FRMD4A: variants seen among roughly 807,000 people sequenced by gnomAD.
FRMD4A encodes the protein FERM domain-containing protein 4A.
A neutral mutation model predicts 129.1 loss-of-function variants in FRMD4A; 29 were observed. That is an observed-to-expected ratio of 0.22 (90% CI 0.17 to 0.31). FRMD4A has a LOEUF of 0.31. Ranked by LOEUF, FRMD4A falls within the 10% of genes least tolerant of loss-of-function variation. FRMD4A has a pLI of 1.00. For missense variants in FRMD4A, 1,272 were observed against 1,375.8 expected, an observed-to-expected ratio of 0.92 and a Z score of 1.19; for synonymous variants, 634 against 571.6, an observed-to-expected ratio of 1.11 and a Z score of -1.56.
intron 3 of FRMD4A, among the ~76,000 whole-genome samples, chr10:13,812,168 T>G (rs577442122): frequency 2.0e-4 from 31 of 152,290 alleles, no homozygotes; most frequent in Non-Finnish European, 4.1e-4. Flanking sequence ...CATGAGCCAC[T>G]GCACCTGGCC....
chr10:14,212,655 G>T (rs980354762), intron 2 of FRMD4A, among the ~76,000 whole-genome samples: 2 of 152,224 alleles, frequency 1.3e-5, no homozygotes, highest in Non-Finnish European at 2.9e-5. Flanking sequence ...GATACTTGTT[G>T]TGGGCAATAA....
chr10:13,953,783 T>C (rs1008619535), intron 2 of FRMD4A, among the ~76,000 whole-genome samples: 5 of 152,230 alleles, frequency 3.3e-5, no homozygotes, highest in Non-Finnish European at 7.3e-5. Context: ...TCCAAAGTAA[T>C]GTATATATAG....
intron 2 of FRMD4A, among the ~76,000 whole-genome samples, chr10:14,273,675 T>A (rs1845240607): frequency 6.6e-6 from 1 of 151,806 alleles, no homozygotes; most frequent in African/African-American, 2.4e-5. Flanking sequence ...AGCTCTAATC[T>A]CCACACACCT....
At chr10:14,157,133 A>G (rs956116294) in intron 2 of FRMD4A, among the ~76,000 whole-genome samples, 4 of 151,868 alleles carry the variant, frequency 2.6e-5, no homozygotes, top group African/African-American at 9.7e-5. Flanking sequence ...TTACAAAATG[A>G]CTCTTCCTGT....
chr10:13,673,427 CTT>C (rs1230835520), intron 16 of FRMD4A, among the ~76,000 whole-genome samples: 1 of 152,166 alleles, frequency 6.6e-6, no homozygotes, highest in Non-Finnish European at 1.5e-5. Context: ...GTATACGTCT[CTT>C]TGACTTACTT....
At chr10:14,192,359 G>C (rs954291298) in intron 2 of FRMD4A, among the ~76,000 whole-genome samples, 1 of 152,176 alleles carries the variant, frequency 6.6e-6, no homozygotes, top group African/African-American at 2.4e-5. Context: ...TGATTAACTT[G>C]TTTAGAGTAA....
chr10:13,702,540 A>T (rs1051600092), intron 13 of FRMD4A, among the ~76,000 whole-genome samples: 1 of 107,718 alleles, frequency 9.3e-6, no homozygotes, highest in African/African-American at 2.7e-5. Context: ...GTGTGTTTGC[A>T]TGTGTGTGTG....
chr10:13,951,896 T>C, intron 2 of FRMD4A, among the ~76,000 whole-genome samples: 1 of 127,788 alleles, frequency 7.8e-6, no homozygotes, highest in South Asian at 2.3e-4. Flanking sequence ...TCTCAAATAA[T>C]AATAATAATA....
intron 2 of FRMD4A, among the ~76,000 whole-genome samples, chr10:14,246,091 C>T (rs1218382): frequency 0.77 from 116,576 of 152,038 alleles, 46,313 homozygotes; most frequent in Non-Finnish European, 0.87. Flanking sequence ...TCCTCAGATG[C>T]TCCCATTCCC....
chr10:13,944,370 T>C (rs2095316310), intron 2 of FRMD4A, among the ~76,000 whole-genome samples: 1 of 151,994 alleles, frequency 6.6e-6, no homozygotes, highest in Non-Finnish European at 1.5e-5. Context: ...GATTTGTCAC[T>C]GTCTCCCATC....
intron 2 of FRMD4A, among the ~76,000 whole-genome samples, chr10:14,045,383 T>G (rs1421928915): frequency 6.6e-6 from 1 of 152,144 alleles, no homozygotes; most frequent in African/African-American, 2.4e-5. Context: ...TTCATGAAGC[T>G]TTCCCTAGGT....
rs934845161 is a variant in FRMD4A, at chr10:13,796,107, T to C, written c.299+389A>G. On this transcript the variant is annotated intron_variant, in intron 5 of 24. Transcript: ENST00000357447. ...CAGGTTTCACGAGATTCAAGTGGCA[T>C]CCCCTCTAAAAGGAAAGAATACAAA... Among the ~76,000 whole-genome samples, 3 of 152,254 alleles carry C rather than the reference T, an allele frequency of 2.0e-5. No individual in the cohort carries two copies. The East Asian group carries it at 5.8e-4, about 29-fold the overall frequency.
chr10:14,185,999 T>A (rs1008431326), intron 2 of FRMD4A, among the ~76,000 whole-genome samples: 4 of 152,034 alleles, frequency 2.6e-5, no homozygotes, highest in African/African-American at 4.8e-5. Flanking sequence ...CTGTGCAGGG[T>A]CCATGGTGAT....
intron 2 of FRMD4A, among the ~76,000 whole-genome samples, chr10:14,320,267 C>T (rs1790965757): frequency 6.6e-6 from 1 of 152,144 alleles, no homozygotes. Context: ...ATCCAGATGC[C>T]CCCAAGAGCA....
At chr10:13,650,417 A>T (rs550625567) in intron 24 of FRMD4A, among the ~76,000 whole-genome samples, 1 of 150,426 alleles carries the variant, frequency 6.6e-6, no homozygotes, top group African/African-American at 2.5e-5. Flanking sequence ...CATGAGCATG[A>T]ACTCGTGTAT....
At chr10:14,163,824 G>A (rs1351828760) in intron 2 of FRMD4A, among the ~76,000 whole-genome samples, 1 of 152,192 alleles carries the variant, frequency 6.6e-6, no homozygotes, top group Non-Finnish European at 1.5e-5. Context: ...CACTCCTCTT[G>A]CTTCCCGAGT....
intron 2 of FRMD4A, among the ~76,000 whole-genome samples, chr10:14,163,637 G>A (rs1035321996): frequency 1.3e-5 from 2 of 152,182 alleles, no homozygotes; most frequent in Non-Finnish European, 2.9e-5. Flanking sequence ...ATCCTTGTTG[G>A]ATGAATAAGC....
At chr10:14,225,953 G>C (rs550332579) in intron 2 of FRMD4A, among the ~76,000 whole-genome samples, 1 of 152,184 alleles carries the variant, frequency 6.6e-6, no homozygotes, top group African/African-American at 2.4e-5. Flanking sequence ...TGGGTGGCCA[G>C]ATATTCTACT....
At chr10:13,806,818 T>C (rs988764642) in intron 4 of FRMD4A, among the ~76,000 whole-genome samples, 1 of 152,228 alleles carries the variant, frequency 6.6e-6, no homozygotes, top group Non-Finnish European at 1.5e-5. Flanking sequence ...ATACTTTTTT[T>C]ATTTTTTGAG....
Sources: gnomAD v4.1 joint callset for allele counts (sites outside exome capture counted in the v4.1 genomes callset) on GRCh38, gnomAD v4.1.1 for gene constraint, MANE v1.5 for transcripts, NCBI Gene and HGNC (gene_info 2026-07-23, HGNC 2026-07-21) for gene names.